Variants in C6orf118 observed in about 807,000 individuals in gnomAD.
C6orf118 encodes the protein chromosome 6 open reading frame 118.
A neutral mutation model predicts 50.2 loss-of-function variants in C6orf118; 50 were observed. The observed-to-expected ratio is 1.00, with a 90% confidence interval of 0.79 to 1.26. The LOEUF (loss-of-function observed/expected upper bound fraction) is 1.26. Among genes scored for constraint, C6orf118 ranks in the 50% most tolerant of loss-of-function variants. The pLI is 0.00. For missense variants in C6orf118, 641 were observed against 578.7 expected, an observed-to-expected ratio of 1.11 and a Z score of -1.10; for synonymous variants, 239 against 230.9, an observed-to-expected ratio of 1.03 and a Z score of -0.32.
chr6:165,302,001 C>A lies in C6orf118; in HGVS notation c.321G>T (p.Glu107Asp). 6.2e-7 allele frequency: 1 copy of A among 1,613,560 alleles called. No individual in the cohort carries two copies. Among genetic ancestry groups the A allele is most frequent in the Non-Finnish European group, 8.5e-7 (1 of 1,179,920 alleles). The change falls in exon 2 of 9, where the codon GAG becomes GAT. Residue 107 changes from glutamate to aspartate, a missense_variant. Glu to Asp is a conservative substitution (Grantham distance 45). Transcript: ENST00000230301. ...TGTGGATGGTGAAGTGGGCCAGGGC[C>A]TCCTTCATCCTCGCCACCTTCCCTG... ...PPAGKVARMKEALAHFTIHTA... is the reference protein window; with the variant it reads ...PPAGKVARMKDALAHFTIHTA...
intron 7 of C6orf118, among the ~76,000 whole-genome samples, chr6:165,286,696 C>A (rs1048981899): frequency 6.6e-6 from 1 of 152,086 alleles, no homozygotes; most frequent in African/African-American, 2.4e-5. Flanking sequence ...TGAACAGACA[C>A]AGAAAAGGCC....
At chr6:165,291,788 T>C (rs1242519645) in intron 6 of C6orf118, among the ~76,000 whole-genome samples, 1 of 152,204 alleles carries the variant, frequency 6.6e-6, no homozygotes, top group African/African-American at 2.4e-5. Flanking sequence ...CTAAGGCCAA[T>C]TTGTCATCAA....
intron 5 of C6orf118, among the ~76,000 whole-genome samples, chr6:165,295,902 C>T (rs1324361677): frequency 6.6e-6 from 1 of 151,982 alleles, no homozygotes; most frequent in African/African-American, 2.4e-5. Context: ...CTACCCTCTC[C>T]CAAGTAACCC....
intron 5 of C6orf118, among the ~76,000 whole-genome samples, chr6:165,296,250 GTTTTTTTTTTTT>G (rs56394079): frequency 1.9e-5 from 2 of 103,390 alleles, no homozygotes; most frequent in South Asian, 6.3e-4. Flanking sequence ...TTCGTTTTTT[GTTTTTTTTTTTT>G]TTTTTTTTTT....
At chr6:165,287,336 T>C (rs184272796) in intron 7 of C6orf118, among the ~76,000 whole-genome samples, 7 of 152,292 alleles carry the variant, frequency 4.6e-5, no homozygotes, top group Admixed American at 4.6e-4. Flanking sequence ...ATCAGTATCA[T>C]GAAAATGGCA....
chr6:165,284,585 G>C (rs935323485), intron 7 of C6orf118, among the ~76,000 whole-genome samples: 37 of 152,224 alleles, frequency 2.4e-4, no homozygotes, highest in African/African-American at 7.9e-4. Flanking sequence ...GAAAGCCCAG[G>C]TCACCTAGAA....
chr6:165,288,730 A>G (rs1780002461), intron 7 of C6orf118, among the ~76,000 whole-genome samples: 1 of 152,186 alleles, frequency 6.6e-6, no homozygotes, highest in Non-Finnish European at 1.5e-5. Flanking sequence ...TGGGAGCTGA[A>G]CAATGAGAAT....
chr6:165,292,609 T>G (rs970801842), intron 6 of C6orf118, among the ~76,000 whole-genome samples: 1 of 152,114 alleles, frequency 6.6e-6, no homozygotes, highest in African/African-American at 2.4e-5. Flanking sequence ...CTATTTCACG[T>G]CTGTGAGAGG....
At chr6:165,309,520 G>A in intron 1 of C6orf118, 42 bp downstream of exon 1, 1 of 1,612,656 alleles carries the variant, frequency 6.2e-7, no homozygotes, top group Non-Finnish European at 8.5e-7. Context: ...TGAACATCAA[G>A]CAAATCTCAC....
chr6:165,297,266 C>T (rs1293929180), intron 5 of C6orf118, among the ~76,000 whole-genome samples: 1 of 151,898 alleles, frequency 6.6e-6, no homozygotes, highest in Admixed American at 6.6e-5. Context: ...ACTAAAAATA[C>T]AAAAATTAGC....
intron 4 of C6orf118, 105 bp downstream of exon 4, chr6:165,299,338 G>A: frequency 2.2e-6 from 2 of 894,336 alleles, no homozygotes; most frequent in Non-Finnish European, 3.6e-6. Flanking sequence ...CTAAATTATG[G>A]GGCACACATG....
chr6:165,294,254 CA>C lies in C6orf118; in HGVS notation c.1062-784del, dbSNP rs71026682. Among the ~76,000 whole-genome samples the C allele has an allele frequency of 3.9e-3, 476 of 122,784 alleles. 3 individuals carry two copies. The highest frequency in any genetic ancestry group is 4.4e-3 in the Non-Finnish European group (270 of 61,380). 80.6% of individuals were successfully genotyped at this position (122,784 alleles called of 152,430 possible). A position where few individuals can be genotyped will look rare whatever the true frequency, so the allele number is the denominator to read the frequency against. On this transcript the variant is annotated intron_variant, in intron 5 of 8. Transcript: ENST00000230301. ...GAGCCAGACTCCGTCTTTAAAAAAG[CA>C]AAAAAAAAAAAACAAAAAAAAAAAA...
intron 7 of C6orf118, among the ~76,000 whole-genome samples, chr6:165,287,501 C>T (rs1366048975): frequency 1.3e-5 from 2 of 152,064 alleles, no homozygotes; most frequent in African/African-American, 4.8e-5. Context: ...AAGAAGAAAG[C>T]TGGAGGCATC....
intron 8 of C6orf118, 100 bp downstream of exon 8, chr6:165,281,540 C>G: frequency 7.0e-7 from 1 of 1,427,440 alleles, no homozygotes; most frequent in South Asian, 1.5e-5. Flanking sequence ...CAGTAACCTA[C>G]AAAGAATTAC....
chr6:165,280,036 A>G lies in C6orf118; in HGVS notation c.*21T>C. ...TGGAAGTTAAGAATTTCCACTGGCC[A>G]TTTGTTCAGCCACTTGAGCGTTATC... On this transcript the variant is annotated 3_prime_UTR_variant, in exon 9 of 9. Coordinates refer to ENST00000230301, the MANE Select transcript of C6orf118 (RefSeq NM_144980.4). 6.3e-7 allele frequency: 1 copy of G among 1,595,910 alleles called. No homozygotes were observed. The highest frequency in any genetic ancestry group is 8.5e-7 in the Non-Finnish European group (1 of 1,175,452).
chr6:165,281,567 T>C, intron 8 of C6orf118, 73 bp downstream of exon 8: 1 of 1,456,312 alleles, frequency 6.9e-7, no homozygotes, highest in Non-Finnish European at 9.1e-7. Context: ...TTGGTCATGC[T>C]TATTACACAG....
intron 5 of C6orf118, among the ~76,000 whole-genome samples, chr6:165,293,940 T>A (rs1780195027): frequency 6.6e-6 from 1 of 152,164 alleles, no homozygotes; most frequent in African/African-American, 2.4e-5. Flanking sequence ...TTTCACTATG[T>A]TTAAATTAAA....
intron 1 of C6orf118, among the ~76,000 whole-genome samples, chr6:165,307,082 A>G (rs1257966041): frequency 2.0e-5 from 3 of 152,214 alleles, no homozygotes; most frequent in Non-Finnish European, 2.9e-5. Flanking sequence ...TGTGTACTGA[A>G]TAGGAACATG....
intron 5 of C6orf118, among the ~76,000 whole-genome samples, chr6:165,295,464 G>T (rs1025292433): frequency 6.6e-6 from 1 of 152,070 alleles, no homozygotes. Context: ...ACTTTCATCA[G>T]GTAAATCATT....
Sources: gnomAD v4.1 joint callset for allele counts (sites outside exome capture counted in the v4.1 genomes callset) on GRCh38, gnomAD v4.1.1 for gene constraint, MANE v1.5 for transcripts, NCBI Gene and HGNC (gene_info 2026-07-23, HGNC 2026-07-21) for gene names.